Variants in BARX1 observed in about 807,000 individuals in gnomAD.
BARX1 encodes homeobox protein BarH-like 1.
A neutral mutation model predicts 19.6 loss-of-function variants in BARX1; 10 were observed. The observed-to-expected ratio is 0.51, with a 90% CI of 0.31 to 0.86. The LOEUF (loss-of-function observed/expected upper bound fraction) is 0.86. BARX1 is among the 40% of genes least tolerant of loss of function. The pLI, the probability that BARX1 is intolerant of heterozygous loss-of-function variation, is 0.04. For synonymous variants in BARX1, 177 were observed against 170.0 expected, an observed-to-expected ratio of 1.04 and a Z score of -0.32; for missense variants, 309 against 360.4, an observed-to-expected ratio of 0.86 and a Z score of 1.15.
At position 93,951,874 on chromosome 9, in the gene BARX1, T is replaced by G; in HGVS notation, c.*290A>C. On this transcript the variant is annotated 3_prime_UTR_variant, in exon 4 of 4. Coordinates refer to ENST00000253968, the MANE Select transcript of BARX1 (RefSeq NM_021570.4). ...GGGGGTGCAGGCGAGGAGCGGGGCG[T>G]GAATACGCGTGGAGCGCTCTGCGCC... 2.5e-6 allele frequency: 1 copy of G among 393,982 alleles called. No homozygotes were observed. The highest frequency in any genetic ancestry group is 4.6e-6 in the Non-Finnish European group (1 of 216,400). 24.4% of individuals were successfully genotyped at this position (393,982 alleles called of 1,614,324 possible).
intron 1 of BARX1, among the ~76,000 whole-genome samples, chr9:93,954,121 G>A (rs1191506553): frequency 1.3e-5 from 2 of 152,228 alleles, no homozygotes; most frequent in Non-Finnish European, 2.9e-5. Flanking sequence ...GAGATGGGAG[G>A]CAGGCCGACC....
intron 2 of BARX1, 34 bp downstream of exon 2, chr9:93,952,862 A>C: frequency 6.2e-7 from 1 of 1,613,028 alleles, no homozygotes; most frequent in Non-Finnish European, 8.5e-7. Context: ...CCACACTCCC[A>C]CAGCCCGCTG....
chr9:93,953,695 C>T (rs1042036354), intron 1 of BARX1, among the ~76,000 whole-genome samples: 2 of 152,250 alleles, frequency 1.3e-5, no homozygotes, highest in Non-Finnish European at 2.9e-5. Context: ...GGGTGCTTCC[C>T]GGAAATTCCA....
At position 93,951,980 on chromosome 9, in the gene BARX1, C is replaced by T. The variant is rs1829106903; in HGVS notation, c.*184G>A. On this transcript the variant is annotated 3_prime_UTR_variant, in exon 4 of 4. Transcript: ENST00000253968. ...GTTAGAGCCCAGAAGCGCGCTGGGA[C>T]CTGGGTCTGGCTTTTGGGTCTGTGT... 1 of 808,320 alleles carries T rather than the reference C, an allele frequency of 1.2e-6. No homozygotes were observed. The highest frequency in any genetic ancestry group is 1.9e-6 in the Non-Finnish European group (1 of 528,020). The allele number at this position is 808,320 out of a possible 1,614,324, so 50.1% of individuals were successfully genotyped here.
chr9:93,954,212 A>G (rs1173700257), intron 1 of BARX1, among the ~76,000 whole-genome samples: 1 of 152,248 alleles, frequency 6.6e-6, no homozygotes, highest in Non-Finnish European at 1.5e-5. Context: ...GTGGAGTGCG[A>G]TGGAGACAGC....
At chr9:93,953,216 T>C in intron 1 of BARX1, 29 bp from the exon 2 acceptor site, 1 of 1,465,432 alleles carries the variant, frequency 6.8e-7, no homozygotes, top group Non-Finnish European at 8.9e-7. Flanking sequence ...AGGACCCGGG[T>C]GAGCTACGGC....
chr9:93,952,189 G>C lies in BARX1; in HGVS notation c.740C>G (p.Pro247Arg), dbSNP rs1423783980. The C allele has an allele frequency of 6.2e-7, 1 of 1,609,214 alleles. No individual in the cohort carries two copies. The highest frequency in any genetic ancestry group is 1.3e-5 in the African/African-American group (1 of 74,924). The change falls in exon 4 of 4, where the codon CCC becomes CGC. Residue 247 changes from proline to arginine, a missense_variant. Around this residue, in one of 3 missense-constraint regions of BARX1, gnomAD observed 71 missense variants for 80.4 expected, o/e 0.88. Coordinates refer to ENST00000253968, the MANE Select transcript of BARX1 (RefSeq NM_021570.4). ...TCAGTCCTCGCGGCTCCTGTCGCTGGGCTCGCCCGGCACCTCCGCCGGTTT... is the reference window on the plus strand; with the variant it reads ...TCAGTCCTCGCGGCTCCTGTCGCTGCGCTCGCCCGGCACCTCCGCCGGTTT... ...AEKPAEVPGE[P>R]SDRSRED is the part of the protein sequence containing the mutation.
chr9:93,952,870 C>G, intron 2 of BARX1, 26 bp downstream of exon 2: 1 of 1,611,822 alleles, frequency 6.2e-7, no homozygotes, highest in Non-Finnish European at 8.5e-7. Context: ...CCACAGCCCG[C>G]TGGCCCCAGC....
At position 93,952,964 on chromosome 9, in the gene BARX1, G is replaced by A; in HGVS notation, c.447C>T (p.Phe149=). The A allele has an allele frequency of 6.4e-7, 1 of 1,571,114 alleles. No individual in the cohort carries two copies. The highest frequency in any genetic ancestry group is 8.6e-7 in the Non-Finnish European group (1 of 1,158,210). The change falls in exon 2 of 4, where the codon TTC becomes TTT. Residue 149 remains phenylalanine, a synonymous_variant. Transcript: ENST00000253968. Reference sequence around the variant, plus strand: ...CCAGGCCCATCAGCTGCAGCTCGGTGAACACAGTGCGGCTCCGACGCCCCT... The same window carrying A: ...CCAGGCCCATCAGCTGCAGCTCGGTAAACACAGTGCGGCTCCGACGCCCCT... ...AKKGRRSRTV[F]TELQLMGLEK...
chr9:93,955,202 T>G lies in BARX1; in HGVS notation c.-56A>C. 30 of 814,444 alleles carry G rather than the reference T, an allele frequency of 3.7e-5. No homozygotes were observed. The highest frequency in any genetic ancestry group is 4.0e-5 in the Non-Finnish European group (27 of 677,760). The allele number at this position is 814,444 out of a possible 1,614,324, so 50.5% of individuals were successfully genotyped here. On this transcript the variant is annotated 5_prime_UTR_variant, in exon 1 of 4. Coordinates refer to ENST00000253968, the MANE Select transcript of BARX1 (RefSeq NM_021570.4). This position sits in a 1 kb window ranked among gnomAD's most constrained non-coding sequence, Gnocchi z 4.4. ...GCGGCGGCGGCGGCGACGGCTTGGC[T>G]CCGGCGCGGGGCCCGCGCGGGGCTC...
At position 93,952,095 on chromosome 9, in the gene BARX1, G is replaced by A; in HGVS notation, c.*69C>T. 1.3e-6 allele frequency: 2 copies of A among 1,537,928 alleles called. No individual in the cohort carries two copies. The highest frequency in any genetic ancestry group is 1.7e-6 in the Non-Finnish European group (2 of 1,145,888). On this transcript the variant is annotated 3_prime_UTR_variant, in exon 4 of 4. Transcript: ENST00000253968. ...TTCTTGGACGCGGAAGGGCCGGCTC[G>A]CGGGTTTCCGCCGAGTGAGGGGGCT...
chr9:93,954,841 G>T (rs1054452246), intron 1 of BARX1, 83 bp downstream of exon 1: 5 of 1,008,526 alleles, frequency 5.0e-6, no homozygotes, highest in Non-Finnish European at 6.4e-6. Context: ...CTTCGATGCC[G>T]GAGGAGGCTC....
chr9:93,952,349 A>T, intron 3 of BARX1, 21 bp from the exon 4 acceptor site: 3 of 1,600,328 alleles, frequency 1.9e-6, no homozygotes, highest in Non-Finnish European at 2.5e-6. Flanking sequence ...GACCGCCAGC[A>T]CCTGGGTGAG....
At chr9:93,953,943 G>A (rs1829130845) in intron 1 of BARX1, among the ~76,000 whole-genome samples, 1 of 152,222 alleles carries the variant, frequency 6.6e-6, no homozygotes, top group African/African-American at 2.4e-5. Context: ...GGAGGTGGGG[G>A]GGTGCAGGGA....
rs908411490 is a variant in BARX1, at chr9:93,951,629, G to T, written c.*535C>A. On this transcript the variant is annotated 3_prime_UTR_variant, in exon 4 of 4. Coordinates refer to ENST00000253968, the MANE Select transcript of BARX1 (RefSeq NM_021570.4). Reference sequence around the variant, plus strand: ...AGAAGCTGCTCCACCGAGCCCGATTGTGTCATAAAATATTTTATTGGAAAA... The same window carrying T: ...AGAAGCTGCTCCACCGAGCCCGATTTTGTCATAAAATATTTTATTGGAAAA... 1 of 151,750 alleles carries T rather than the reference G, an allele frequency of 6.6e-6. No individual in the cohort carries two copies. The highest frequency in any genetic ancestry group is 2.4e-5 in the African/African-American group (1 of 41,230). 9.4% of individuals were successfully genotyped at this position (151,750 alleles called of 1,614,324 possible). A position where few individuals can be genotyped will look rare whatever the true frequency, so the allele number is the denominator to read the frequency against.
intron 3 of BARX1, 52 bp downstream of exon 3, chr9:93,952,676 AC>A: frequency 6.4e-7 from 1 of 1,555,530 alleles, no homozygotes; most frequent in Non-Finnish European, 8.9e-7. Flanking sequence ...CTCTGCATGC[AC>A]CGGGGCATGG....
intron 1 of BARX1, 26 bp from the exon 2 acceptor site, chr9:93,953,213 G>A (rs773954552): frequency 9.5e-6 from 11 of 1,163,616 alleles, no homozygotes; most frequent in Non-Finnish European, 8.0e-6. Context: ...ATGAGGACCC[G>A]GGTGAGCTAC....
chr9:93,951,800 G>A lies in BARX1; in HGVS notation c.*364C>T. 1 of 212,350 alleles carries A rather than the reference G, an allele frequency of 4.7e-6. No individual in the cohort carries two copies. Among genetic ancestry groups the A allele is most frequent in the East Asian group, 1.1e-4 (1 of 8,932 alleles). The allele number at this position is 212,350 out of a possible 1,614,324, so 13.2% of individuals were successfully genotyped here. The stretch of plus-strand genomic sequence containing the variant: ...CTGGGTCCCCGACGTCCAGAAGCGG[G>A]TGTGTGCCTGGAGGCTCCCCGGCCG... On this transcript the variant is annotated 3_prime_UTR_variant, in exon 4 of 4. Transcript: ENST00000253968.
Position 93,955,283 on chromosome 9 carries a change from C to A in BARX1, c.-137G>T. On this transcript the variant is annotated 5_prime_UTR_variant, in exon 1 of 4. Transcript: ENST00000253968. This position sits in a 1 kb window ranked among gnomAD's most constrained non-coding sequence, Gnocchi z 4.4. The stretch of plus-strand genomic sequence containing the variant: ...GGGCGCCGGCTCATGCCCCCTCCCC[C>A]GCCGGCCGGCCGGGCGGAGGCGCAG... 4.7e-6 allele frequency: 1 copy of A among 210,874 alleles called. No individual in the cohort carries two copies. Among genetic ancestry groups the A allele is most frequent in the Non-Finnish European group, 8.0e-6 (1 of 125,514 alleles). 13.1% of individuals were successfully genotyped at this position (210,874 alleles called of 1,614,324 possible).
Sources: gnomAD v4.1 joint callset for allele counts (sites outside exome capture counted in the v4.1 genomes callset) on GRCh38, gnomAD v4.1.1 for gene constraint, gnomAD v4.1.1 regional missense constraint, Gnocchi (gnomAD v3.1) non-coding constraint, MANE v1.5 for transcripts, NCBI Gene and HGNC (gene_info 2026-07-23, HGNC 2026-07-21) for gene names.